The following GALNT2 variants were observed in gnomAD, a reference collection of about 807,000 sequenced individuals.
GALNT2 encodes the protein UDP-GalNAc:polypeptide N-acetylgalactosaminyltransferase 2.
GALNT2 carries 31 observed loss-of-function variants against 81.4 expected under a neutral mutation model. That is an observed-to-expected ratio of 0.38 (90% confidence interval 0.29 to 0.51). GALNT2 has a LOEUF of 0.51. Ranked by LOEUF, GALNT2 falls within the 20% of genes least tolerant of loss-of-function variation. The pLI, the probability that GALNT2 is intolerant of heterozygous loss-of-function variation, is 0.87. For missense variants in GALNT2, 629 were observed against 765.7 expected, an observed-to-expected ratio of 0.82 and a Z score of 2.11; for synonymous variants, 303 against 287.4, an observed-to-expected ratio of 1.05 and a Z score of -0.55.
rs565680182 is a variant in GALNT2 at position 230,211,985 on chromosome 1, C to T, written c.374+8695C>T. On this transcript the variant is annotated intron_variant, in intron 3 of 15. Coordinates refer to ENST00000366672, the MANE Select transcript of GALNT2 (RefSeq NM_004481.5). ...TTGTTTTTCTCATTTTTCACATTGT[C>T]GGTTGGAACATGTTTGGGGAGAGGC... Among the ~76,000 whole-genome samples, 56 of 152,204 alleles carry T rather than the reference C, an allele frequency of 3.7e-4. 1 individual carries two copies. Among genetic ancestry groups the T allele is most frequent in the African/African-American group, 1.0e-3 (43 of 41,532 alleles).
intron 1 of GALNT2, among the ~76,000 whole-genome samples, chr1:230,150,269 C>T (rs35498929): frequency 0.098 from 14,994 of 152,268 alleles, 904 homozygotes; most frequent in Non-Finnish European, 0.13. Flanking sequence ...TCCCTCTTTA[C>T]CTCACCATAG....
At chr1:230,066,087 A>G (rs1280689548), upstream of GALNT2, among the ~76,000 whole-genome samples, 1 of 152,228 alleles carries the variant, frequency 6.6e-6, no homozygotes, top group Non-Finnish European at 1.5e-5. Flanking sequence ...TTTAATGTTC[A>G]GTTCATGGCA....
intron 14 of GALNT2, among the ~76,000 whole-genome samples, chr1:230,270,750 G>C (rs911305600): frequency 1.3e-5 from 2 of 152,212 alleles, no homozygotes; most frequent in Non-Finnish European, 2.9e-5. Context: ...TCTGGTTTCC[G>C]GCTGAGCCTT....
intron 8 of GALNT2, 51 bp from the exon 9 acceptor site, chr1:230,249,133 A>G (rs773167377): frequency 6.7e-7 from 1 of 1,503,546 alleles, no homozygotes; most frequent in Non-Finnish European, 9.3e-7. Context: ...GGGTGTCGGG[A>G]GGAAGTGGCC....
chr1:230,199,352 G>C (rs1212991556), intron 2 of GALNT2, among the ~76,000 whole-genome samples: 1 of 152,168 alleles, frequency 6.6e-6, no homozygotes, highest in Non-Finnish European at 1.5e-5. Flanking sequence ...CTTTGCCTCT[G>C]GGGGTAGCTT....
chr1:230,133,108 A>G (rs931135152), intron 1 of GALNT2, among the ~76,000 whole-genome samples: 2 of 152,212 alleles, frequency 1.3e-5, no homozygotes, highest in African/African-American at 4.8e-5. Context: ...GTATTTTTAC[A>G]TGATCTAAAA....
chr1:230,244,632 C>T (rs1303869037), intron 7 of GALNT2, among the ~76,000 whole-genome samples: 5 of 152,182 alleles, frequency 3.3e-5, no homozygotes, highest in Admixed American at 6.5e-5. Context: ...CTTCGAACGC[C>T]TGCTCCTAAA....
intron 1 of GALNT2, among the ~76,000 whole-genome samples, chr1:230,122,101 C>T (rs112158385): frequency 5.3e-5 from 8 of 151,792 alleles, no homozygotes; most frequent in African/African-American, 7.3e-5. Flanking sequence ...TCCTCCTGAG[C>T]GGTGCTGTAC....
intron 1 of GALNT2, among the ~76,000 whole-genome samples, chr1:230,122,624 G>A (rs1461399408): frequency 1.3e-5 from 2 of 152,014 alleles, no homozygotes; most frequent in African/African-American, 4.8e-5. Context: ...CTGTGTGTGT[G>A]TGTGTGTGCA....
intron 1 of GALNT2, among the ~76,000 whole-genome samples, chr1:230,098,398 A>T (rs1282340673): frequency 1.3e-5 from 2 of 151,998 alleles, no homozygotes; most frequent in African/African-American, 4.8e-5. Context: ...CATTTCCAGA[A>T]TGTACATATT....
intron 1 of GALNT2, among the ~76,000 whole-genome samples, chr1:230,115,109 G>A (rs776904165): frequency 1.3e-5 from 2 of 150,352 alleles, no homozygotes; most frequent in African/African-American, 4.9e-5. Context: ...GGGTTCAAGC[G>A]ATTCTCCTGC....
chr1:230,130,569 G>A (rs1435700291), intron 1 of GALNT2, among the ~76,000 whole-genome samples: 2 of 152,190 alleles, frequency 1.3e-5, no homozygotes, highest in African/African-American at 4.8e-5. Flanking sequence ...TGAGTCACGT[G>A]GTATCAGGAA....
intron 1 of GALNT2, among the ~76,000 whole-genome samples, chr1:230,121,557 C>G (rs193222944): frequency 6.6e-6 from 1 of 152,312 alleles, no homozygotes; most frequent in Admixed American, 6.5e-5. Context: ...CCAGAATACT[C>G]AAGGCAAGGT....
intron 1 of GALNT2, among the ~76,000 whole-genome samples, chr1:230,117,548 T>TG (rs1364731569): frequency 6.6e-6 from 1 of 152,052 alleles, no homozygotes; most frequent in Non-Finnish European, 1.5e-5. Flanking sequence ...TTCAGTATCG[T>TG]GGTATCGCAG....
rs533043584 is a variant in GALNT2, at chr1:230,162,776, G to A, written c.127-15442G>A. Among the ~76,000 whole-genome samples the A allele has an allele frequency of 2.1e-4, 32 of 152,376 alleles. No homozygotes were observed. In the South Asian group the frequency reaches 6.2e-3, roughly 30 times the overall value. ...TTGCCCCAACCCAGAATGAAGGAAT[G>A]CTGCTCAGAGAGGCTGAGAAGAATC... On this transcript the variant is annotated intron_variant, in intron 1 of 15. Transcript: ENST00000366672.
At position 230,067,296 on chromosome 1, in the gene GALNT2, C is replaced by A; in HGVS notation, c.16C>A (p.Arg6=). The A allele has an allele frequency of 7.3e-7, 1 of 1,364,932 alleles. No individual in the cohort carries two copies. Among genetic ancestry groups the A allele is most frequent in the Non-Finnish European group, 9.6e-7 (1 of 1,045,346 alleles). The allele number at this position is 1,364,932 out of a possible 1,614,324, so 84.6% of individuals were successfully genotyped here. A position where few individuals can be genotyped will look rare whatever the true frequency, so the allele number is the denominator to read the frequency against. ...AGTTGGGAGAATGCGGCGGCGCTCG[C>A]GGATGCTGCTCTGCTTCGCCTTCCT... is the stretch of plus-strand genomic sequence containing the variant. The part of the protein sequence containing the change: MRRRS[R]MLLCFAFLWV... Residue 6 remains arginine, a synonymous_variant, in exon 1 of 16, where the codon CGG becomes AGG. Transcript: ENST00000366672.
chr1:230,148,318 T>C (rs1661986477), intron 1 of GALNT2, among the ~76,000 whole-genome samples: 2 of 152,162 alleles, frequency 1.3e-5, no homozygotes, highest in African/African-American at 2.4e-5. Context: ...AGAAACCTGA[T>C]AGGGAAAGGG....
chr1:230,154,656 C>T (rs116909012), intron 1 of GALNT2, among the ~76,000 whole-genome samples: 1 of 152,204 alleles, frequency 6.6e-6, no homozygotes, highest in East Asian at 1.9e-4. Context: ...GCCAGACACA[C>T]GTGGAGGGAA....
At chr1:230,146,846 G>A (rs907792540) in intron 1 of GALNT2, among the ~76,000 whole-genome samples, 1 of 152,274 alleles carries the variant, frequency 6.6e-6, no homozygotes, top group East Asian at 1.9e-4. Context: ...TGCTGGAAAC[G>A]TGACCTGTGA....
Sources: allele counts gnomAD v4.1 joint callset (sites outside exome capture counted in the v4.1 genomes callset), GRCh38; gene constraint gnomAD v4.1.1; transcripts MANE v1.5; gene names NCBI Gene and HGNC (gene_info 2026-07-23, HGNC 2026-07-21).